The following MAPK4 variants were observed in gnomAD, a reference collection of about 807,000 sequenced individuals.
MAPK4 encodes mitogen-activated protein kinase 4.
MAPK4 carries 22 observed loss-of-function variants against 47.7 expected under a neutral mutation model. The observed-to-expected ratio is 0.46, with a 90% CI of 0.33 to 0.66. The LOEUF (loss-of-function observed/expected upper bound fraction) is 0.66, where lower values mean the gene tolerates loss of function less well. Among genes scored for constraint, MAPK4 ranks in the 30% least tolerant of loss-of-function variants. The pLI is 0.02. For synonymous variants in MAPK4, 390 were observed against 365.7 expected, an observed-to-expected ratio of 1.07 and a Z score of -0.76; for missense variants, 736 against 831.7, an observed-to-expected ratio of 0.88 and a Z score of 1.42.
intron 2 of MAPK4, among the ~76,000 whole-genome samples, chr18:50,688,799 G>A (rs1373583141): frequency 6.6e-6 from 1 of 150,488 alleles, no homozygotes; most frequent in East Asian, 2.0e-4. Flanking sequence ...TACTGCTTAG[G>A]TGATGGGTGC....
At chr18:50,594,241 T>C (rs1568038328) in intron 1 of MAPK4, among the ~76,000 whole-genome samples, 1 of 152,166 alleles carries the variant, frequency 6.6e-6, no homozygotes, top group Non-Finnish European at 1.5e-5. Context: ...ACACTGAGGG[T>C]GGGTCTTCCT....
intron 1 of MAPK4, among the ~76,000 whole-genome samples, chr18:50,619,273 A>C (rs540070526): frequency 6.6e-6 from 1 of 152,358 alleles, no homozygotes; most frequent in African/African-American, 2.4e-5. Flanking sequence ...GGGTTTACCC[A>C]GTACATCAAA....
At chr18:50,704,812 C>A (rs1054725576) in intron 2 of MAPK4, 15 of 398,632 alleles carry the variant, frequency 3.8e-5, no homozygotes, top group Middle Eastern at 6.3e-4. Context: ...CAGCAGCCAT[C>A]CTGGGAGAGC....
Position 50,729,789 on chromosome 18 carries a change from G to C in MAPK4, c.1699G>C (p.Ala567Pro). ...CAATAAACTGGGCGACCTCAATGGT[G>C]CGTGCATCCCCGAGCACCCTGGCGA... ...PDNKLGDLNG[A>P]CIPEHPGDLV... The change falls in exon 6 of 6, where the codon GCG (alanine) becomes CCG (proline). Residue 567 changes from alanine (A) to proline (P), a missense_variant. Ala to Pro is a conservative substitution (Grantham distance 27). This residue lies in a region of MAPK4 where 377 missense variants were observed against 378.6 expected (regional missense o/e 1.00). Coordinates refer to ENST00000400384, the MANE Select transcript of MAPK4 (RefSeq NM_002747.4). The C allele has an allele frequency of 6.2e-7, 1 of 1,612,478 alleles. No homozygotes were observed. Among genetic ancestry groups the C allele is most frequent in the Non-Finnish European group, 8.5e-7 (1 of 1,179,794 alleles).
At chr18:50,630,046 G>T (rs933906897) in intron 1 of MAPK4, among the ~76,000 whole-genome samples, 1 of 152,198 alleles carries the variant, frequency 6.6e-6, no homozygotes, top group Non-Finnish European at 1.5e-5. Context: ...GTGTGATGGG[G>T]AACCTGAAGG....
intron 1 of MAPK4, among the ~76,000 whole-genome samples, chr18:50,578,342 C>T (rs190529267): frequency 6.6e-6 from 1 of 152,330 alleles, no homozygotes; most frequent in Admixed American, 6.5e-5. Context: ...TCTGAATCAC[C>T]TGGAACACTT....
intron 1 of MAPK4, among the ~76,000 whole-genome samples, chr18:50,637,614 T>C (rs770890487): frequency 6.6e-6 from 1 of 152,244 alleles, no homozygotes; most frequent in Non-Finnish European, 1.5e-5. Flanking sequence ...GAATAATGCC[T>C]GCACAGGGGT....
intron 2 of MAPK4, among the ~76,000 whole-genome samples, chr18:50,696,836 A>C (rs1224819774): frequency 6.6e-6 from 1 of 152,248 alleles, no homozygotes; most frequent in Non-Finnish European, 1.5e-5. Flanking sequence ...GTCCTGGGAC[A>C]TACAGGGAGT....
At chr18:50,686,643 T>C (rs1339089142) in intron 2 of MAPK4, among the ~76,000 whole-genome samples, 3 of 152,178 alleles carry the variant, frequency 2.0e-5, no homozygotes, top group Non-Finnish European at 4.4e-5. Flanking sequence ...CAGATCGAGA[T>C]TTTTCTCCAT....
intron 2 of MAPK4, among the ~76,000 whole-genome samples, chr18:50,681,980 C>G (rs1310461717): frequency 6.6e-6 from 1 of 152,116 alleles, no homozygotes; most frequent in Non-Finnish European, 1.5e-5. Context: ...ACAAAGGCCA[C>G]ATATTGTAGG....
chr18:50,591,611 GT>G (rs1298128979), intron 1 of MAPK4, among the ~76,000 whole-genome samples: 5 of 151,500 alleles, frequency 3.3e-5, no homozygotes, highest in Admixed American at 6.6e-5. Context: ...TTTACAAAAT[GT>G]TTTCTTTGCA....
At chr18:50,582,461 C>G (rs1482204278) in intron 1 of MAPK4, among the ~76,000 whole-genome samples, 2 of 152,248 alleles carry the variant, frequency 1.3e-5, no homozygotes, top group Non-Finnish European at 2.9e-5. Context: ...ATGGTTGTTG[C>G]ACCAAGAATT....
At chr18:50,651,887 T>A (rs2043053708) in intron 1 of MAPK4, among the ~76,000 whole-genome samples, 1 of 152,214 alleles carries the variant, frequency 6.6e-6, no homozygotes, top group Admixed American at 6.5e-5. Flanking sequence ...CCTCTTCCCG[T>A]GTGAAGGCCA....
chr18:50,585,160 C>T (rs1273099899), intron 1 of MAPK4, among the ~76,000 whole-genome samples: 1 of 152,100 alleles, frequency 6.6e-6, no homozygotes, highest in African/African-American at 2.4e-5. Context: ...GGGTGTCAGC[C>T]CCAGAGGTTC....
chr18:50,618,230 G>C (rs1031495340), intron 1 of MAPK4, among the ~76,000 whole-genome samples: 12 of 150,686 alleles, frequency 8.0e-5, no homozygotes, highest in Admixed American at 6.6e-4. Context: ...CTCATGATAG[G>C]TGATCCCTCA....
chr18:50,716,440 A>G (rs1375932771), intron 3 of MAPK4, among the ~76,000 whole-genome samples: 1 of 151,816 alleles, frequency 6.6e-6, no homozygotes, highest in Admixed American at 6.6e-5. Context: ...CCAAGTTTCC[A>G]CACTCAGCCC....
At chr18:50,712,835 T>G (rs571374784) in intron 2 of MAPK4, among the ~76,000 whole-genome samples, 143 of 152,194 alleles carry the variant, frequency 9.4e-4, no homozygotes, top group Non-Finnish European at 1.7e-3. Context: ...TTTAGTCTTT[T>G]CCCTGACAAT....
At chr18:50,677,113 C>T (rs746909493) in intron 2 of MAPK4, among the ~76,000 whole-genome samples, 14 of 152,224 alleles carry the variant, frequency 9.2e-5, no homozygotes, top group South Asian at 6.2e-4. Flanking sequence ...CTAGGTTGCA[C>T]GCTCCTTATG....
chr18:50,673,226 G>A (rs1483578351), intron 2 of MAPK4, among the ~76,000 whole-genome samples: 5 of 152,164 alleles, frequency 3.3e-5, no homozygotes, highest in South Asian at 2.1e-4. Flanking sequence ...GCCGTGAGCC[G>A]AGATTGCACC....
Sources: gnomAD v4.1 joint callset for allele counts (sites outside exome capture counted in the v4.1 genomes callset) on GRCh38, gnomAD v4.1.1 for gene constraint, gnomAD v4.1.1 regional missense constraint, MANE v1.5 for transcripts, NCBI Gene and HGNC (gene_info 2026-07-23, HGNC 2026-07-21) for gene names.